Variants in NCR3LG1 observed in about 807,000 individuals in gnomAD.
NCR3LG1 encodes the protein natural cytotoxicity triggering receptor 3 ligand 1.
In NCR3LG1, 35 loss-of-function variants were observed where a neutral mutation model predicts 34.8. The ratio of observed to expected loss-of-function variants is 1.01; its 90% CI spans 0.77 to 1.33. The LOEUF is 1.33. Ranked by LOEUF, NCR3LG1 falls within the 40% of genes most tolerant of loss-of-function variation. NCR3LG1 has a pLI of 0.00. For synonymous variants in NCR3LG1, 173 were observed against 163.6 expected (o/e 1.06, Z -0.44); for missense variants, 452 against 423.3 (o/e 1.07, Z -0.60).
downstream of NCR3LG1, chr11:17,381,504 C>T (rs1375019104): frequency 6.6e-6 from 1 of 152,586 alleles, no homozygotes; most frequent in Non-Finnish European, 1.5e-5. Context: ...ACACAGTCAG[C>T]ATTTAACAAA....
At chr11:17,366,868 C>A (rs1953349243) in intron 2 of NCR3LG1, 141 bp from the exon 3 acceptor site, 2 of 622,404 alleles carry the variant, frequency 3.2e-6, no homozygotes, top group Admixed American at 5.9e-5. Flanking sequence ...AAAGAGTAGG[C>A]ATCCTGTGTT....
At position 17,372,521 on chromosome 11, in the gene NCR3LG1, T is replaced by A. The variant is rs1275658758; in HGVS notation, c.*9T>A. ...TGTTACCCCTACAGTAAATGCCTGA[T>A]GGACCTGGTGCCACTAGGGTCCAAG... On this transcript the variant is annotated 3_prime_UTR_variant, in exon 5 of 5. Transcript: ENST00000338965. 1 of 683,986 alleles carries A rather than the reference T, an allele frequency of 1.5e-6. No individual in the cohort carries two copies. The highest frequency in any genetic ancestry group is 1.5e-5 in the South Asian group (1 of 64,842). The allele number at this position is 683,986 out of a possible 1,614,324, so 42.4% of individuals were successfully genotyped here.
At chr11:17,353,661 G>A (rs1457463679) in intron 1 of NCR3LG1, among the ~76,000 whole-genome samples, 2 of 152,250 alleles carry the variant, frequency 1.3e-5, no homozygotes, top group Non-Finnish European at 2.9e-5. Context: ...CGAGTTCTCA[G>A]GGAAGCGGAG....
downstream of NCR3LG1, among the ~76,000 whole-genome samples, chr11:17,380,243 CT>C (rs1302500346): frequency 6.6e-6 from 1 of 152,204 alleles, no homozygotes; most frequent in Non-Finnish European, 1.5e-5. Context: ...TTTGCATGTT[CT>C]GCATGGGTTT....
intron 1 of NCR3LG1, among the ~76,000 whole-genome samples, chr11:17,354,545 CTTTTTTT>C (rs71047545): frequency 0.3 from 21,451 of 71,256 alleles, 3,134 homozygotes; most frequent in African/African-American, 0.51. Flanking sequence ...AATTCTTCTT[CTTTTTTT>C]TTTTTTTTTT....
At position 17,372,097 on chromosome 11, in the gene NCR3LG1, A is replaced by G. The variant is rs12791318; in HGVS notation, c.950A>G (p.His317Arg). 0.2 allele frequency: 141,897 copies of G among 702,770 alleles called. 15,245 individuals carry two copies. Among genetic ancestry groups the G allele is most frequent in the African/African-American group, 0.29 (16,501 of 57,286 alleles). 43.5% of individuals were successfully genotyped at this position (702,770 alleles called of 1,614,324 possible). Residue 317 changes from histidine to arginine, a missense_variant, in exon 5 of 5, where the codon CAC (histidine) becomes CGC (arginine). His to Arg is a conservative substitution (Grantham distance 29, BLOSUM62 0). Coordinates refer to ENST00000338965, the MANE Select transcript of NCR3LG1 (RefSeq NM_001202439.3). Reference sequence around the variant, plus strand: ...GACACTCAGACTCTGAAGAAAGAGCACCTCATATTCTTTTGCACTCGGGCA... The same window carrying G: ...GACACTCAGACTCTGAAGAAAGAGCGCCTCATATTCTTTTGCACTCGGGCA... The part of the protein sequence containing the change: ...SFDTQTLKKE[H>R]LIFFCTRAWP...
downstream of NCR3LG1, chr11:17,377,380 C>T (rs147673442): frequency 0.058 from 8,735 of 149,978 alleles, 275 homozygotes; most frequent in Middle Eastern, 0.1. Context: ...CCCAGCTACT[C>T]GGGAGGCTGA....
At chr11:17,362,565 T>G (rs933274785) in intron 2 of NCR3LG1, among the ~76,000 whole-genome samples, 4 of 152,112 alleles carry the variant, frequency 2.6e-5, no homozygotes, top group African/African-American at 9.7e-5. Context: ...TCCTTAAATG[T>G]TTAGTAGGAT....
intron 3 of NCR3LG1, 92 bp from the exon 4 acceptor site, chr11:17,368,775 G>T: frequency 1.2e-6 from 1 of 837,078 alleles, no homozygotes; most frequent in South Asian, 1.5e-5. Context: ...CAAGGAGGAT[G>T]ACACAACCAC....
At chr11:17,361,478 G>A (rs1953268947) in intron 2 of NCR3LG1, among the ~76,000 whole-genome samples, 1 of 151,912 alleles carries the variant, frequency 6.6e-6, no homozygotes, top group Non-Finnish European at 1.5e-5. Flanking sequence ...AGTAGAGACG[G>A]GTCACCAAGT....
intron 4 of NCR3LG1, 109 bp from the exon 5 acceptor site, chr11:17,371,897 G>T (rs1276075600): frequency 2.0e-5 from 12 of 607,374 alleles, no homozygotes; most frequent in Non-Finnish European, 3.5e-5. Context: ...CTGAGGAAAT[G>T]GGAGGGAAGA....
At chr11:17,360,742 A>G (rs892383887) in intron 2 of NCR3LG1, among the ~76,000 whole-genome samples, 24 of 151,584 alleles carry the variant, frequency 1.6e-4, no homozygotes, top group African/African-American at 5.3e-4. Flanking sequence ...TGGGCTTTCT[A>G]TTCAGTTTCT....
At chr11:17,365,360 GTTA>G (rs1953332809) in intron 2 of NCR3LG1, among the ~76,000 whole-genome samples, 2 of 152,106 alleles carry the variant, frequency 1.3e-5, no homozygotes, top group African/African-American at 4.8e-5. Flanking sequence ...ATAATCTTCT[GTTA>G]TTATACTGGA....
intron 4 of NCR3LG1, among the ~76,000 whole-genome samples, chr11:17,370,384 T>C (rs2133362081): frequency 6.6e-6 from 1 of 152,314 alleles, no homozygotes; most frequent in South Asian, 2.1e-4. Context: ...TTTTGGTGCA[T>C]TGGCCAGGAA....
chr11:17,356,892 C>G lies in NCR3LG1; in HGVS notation c.312C>G (p.Asp104Glu), dbSNP rs78000302. ...CTCCATGGAGGCTGAAGAGTGGGGA[C>G]GCCTCACTGCGGCTGCCTGGAATCC... is the stretch of plus-strand genomic sequence containing the variant. Reference protein sequence around the residue: ...IVSPWRLKSGDASLRLPGIQL... With the variant: ...IVSPWRLKSGEASLRLPGIQL... The change falls in exon 2 of 5, where the codon GAC (aspartate) becomes GAG (glutamate). Residue 104 changes from aspartate (D) to glutamate (E), a missense_variant. Transcript: ENST00000338965. 217 of 1,536,082 alleles carry G rather than the reference C, an allele frequency of 1.4e-4. 4 individuals carry two copies. The East Asian group carries it at 5.2e-3, about 37-fold the overall frequency.
rs1953445769 is a variant in NCR3LG1 at position 17,373,994 on chromosome 11, C to G, written c.*1482C>G. On this transcript the variant is annotated 3_prime_UTR_variant, in exon 5 of 5. Transcript: ENST00000338965. Reference sequence around the variant, plus strand: ...TTTTCCTAACCAGAGACAATACCCTCTGAAGCCAGAAAGTAGAAAAGGGCT... The same window carrying G: ...TTTTCCTAACCAGAGACAATACCCTGTGAAGCCAGAAAGTAGAAAAGGGCT... 6.6e-6 allele frequency: 1 copy of G among 152,188 alleles called. No individual in the cohort carries two copies. The highest frequency in any genetic ancestry group is 2.1e-4 in the South Asian group (1 of 4,822). 9.4% of individuals were successfully genotyped at this position (152,188 alleles called of 1,614,324 possible).
chr11:17,352,058 G>C lies in NCR3LG1; in HGVS notation c.70+19G>C. Reference sequence around the variant, plus strand: ...ACCGAAGGTAGGGGGCGGCTGGGGTGGGCTGGGGCGGGGGCTCCTGGCGCC... The same window carrying C: ...ACCGAAGGTAGGGGGCGGCTGGGGTCGGCTGGGGCGGGGGCTCCTGGCGCC... On this transcript the variant is annotated intron_variant, in intron 1 of 4. Coordinates refer to ENST00000338965, the MANE Select transcript of NCR3LG1 (RefSeq NM_001202439.3). 6.9e-7 allele frequency: 1 copy of C among 1,455,352 alleles called. No individual in the cohort carries two copies. The highest frequency in any genetic ancestry group is 1.3e-5 in the South Asian group (1 of 79,970). 90.2% of individuals were successfully genotyped at this position (1,455,352 alleles called of 1,614,324 possible).
At chr11:17,362,838 A>T (rs1243965380) in intron 2 of NCR3LG1, among the ~76,000 whole-genome samples, 63 of 79,130 alleles carry the variant, frequency 8.0e-4, no homozygotes, top group African/African-American at 9.3e-4. Flanking sequence ...TCCTTTCTTC[A>T]TTTCTTCATT....
rs911600731 is a variant in NCR3LG1 at position 17,374,870 on chromosome 11, C to G, written c.*2358C>G. ...CTTGCTTAAAGCACCAGCCCCCAGT[C>G]TTTCTGTAGGGAAGTCCTTTAATCT... On this transcript the variant is annotated 3_prime_UTR_variant, in exon 5 of 5. Transcript: ENST00000338965. 2 of 150,300 alleles carry G rather than the reference C, an allele frequency of 1.3e-5. No homozygotes were observed. The highest frequency in any genetic ancestry group is 3.0e-5 in the Non-Finnish European group (2 of 67,610). 9.3% of individuals were successfully genotyped at this position (150,300 alleles called of 1,614,324 possible). A position where few individuals can be genotyped will look rare whatever the true frequency, so the allele number is the denominator to read the frequency against.
Sources: allele counts gnomAD v4.1 joint callset (sites outside exome capture counted in the v4.1 genomes callset), GRCh38; gene constraint gnomAD v4.1.1; transcripts MANE v1.5; gene names NCBI Gene and HGNC (gene_info 2026-07-23, HGNC 2026-07-21).